The following TBXAS1 variants were observed in gnomAD, a reference collection of about 807,000 sequenced individuals.
TBXAS1 encodes thromboxane A synthase 1.
In TBXAS1, 48 loss-of-function variants were observed where a neutral mutation model predicts 60.7. The observed-to-expected ratio is 0.79, with a 90% CI of 0.63 to 1.01. The LOEUF is 1.01. TBXAS1 is among the 50% of genes least tolerant of loss of function. The probability of loss-of-function intolerance (pLI) is 0.00; values close to 1 mark genes in which losing one functional copy is unlikely to be tolerated. For synonymous variants in TBXAS1, 287 were observed against 269.7 expected, an observed-to-expected ratio of 1.06 and a Z score of -0.63; for missense variants, 685 against 686.3, an observed-to-expected ratio of 1.00 and a Z score of 0.02.
chr7:139,955,372 A>C lies in TBXAS1; in HGVS notation c.540-87A>C, dbSNP rs555734431. ...CAGGGCTGGGCAAGCCAGTGTAAGCAATTCAGGCCCTCCTCCTCTGGAGGG... is the reference window on the plus strand; with the variant it reads ...CAGGGCTGGGCAAGCCAGTGTAAGCCATTCAGGCCCTCCTCCTCTGGAGGG... On this transcript the variant is annotated intron_variant, in intron 6 of 12. Coordinates refer to ENST00000448866, the MANE Select transcript of TBXAS1 (RefSeq NM_001061.7). 17 of 1,558,946 alleles carry C rather than the reference A, an allele frequency of 1.1e-5. No individual in the cohort carries two copies. The African/African-American group carries it at 2.0e-4, about 19-fold the overall frequency.
chr7:139,806,312 G>A (rs1451695006), intron 4 of TBXAS1, among the ~76,000 whole-genome samples: 1 of 149,990 alleles, frequency 6.7e-6, no homozygotes, highest in East Asian at 2.0e-4. Flanking sequence ...ACTCAGTCTG[G>A]AGTGCAGTGG....
At chr7:139,949,135 C>A (rs1466994466) in intron 5 of TBXAS1, among the ~76,000 whole-genome samples, 1 of 152,180 alleles carries the variant, frequency 6.6e-6, no homozygotes, top group East Asian at 1.9e-4. Context: ...GGGCAGCTGG[C>A]CTGGGCTTTC....
At chr7:140,003,500 T>C (rs1280675479) in intron 9 of TBXAS1, among the ~76,000 whole-genome samples, 2 of 152,222 alleles carry the variant, frequency 1.3e-5, no homozygotes, top group African/African-American at 4.8e-5. Context: ...CCACCGCACC[T>C]GGCCTACATG....
intron 1 of TBXAS1, among the ~76,000 whole-genome samples, chr7:139,856,296 G>A (rs77434842): frequency 0.046 from 7,013 of 152,208 alleles, 396 homozygotes; most frequent in African/African-American, 0.14. Flanking sequence ...TGATCGAGTT[G>A]TTTTTCCACC....
intron 1 of TBXAS1, among the ~76,000 whole-genome samples, chr7:139,871,631 A>C (rs1801832279): frequency 6.6e-6 from 1 of 152,180 alleles, no homozygotes; most frequent in Non-Finnish European, 1.5e-5. Flanking sequence ...TATGCTTCCC[A>C]TATGGTTGCG....
intron 2 of TBXAS1, 142 bp from the exon 3 acceptor site, chr7:139,875,443 T>TACC: frequency 2.7e-6 from 2 of 746,940 alleles, no homozygotes; most frequent in Non-Finnish European, 4.5e-6. Context: ...TGTTTCAAAG[T>TACC]ACCTGAAAGC....
At chr7:139,874,358 C>T (rs750638197) in intron 2 of TBXAS1, among the ~76,000 whole-genome samples, 44 of 152,254 alleles carry the variant, frequency 2.9e-4, no homozygotes, top group Admixed American at 3.9e-4. Flanking sequence ...CTGAGGAAAA[C>T]GGCGTAGCTG....
At chr7:139,940,824 T>C (rs1380494008) in intron 5 of TBXAS1, among the ~76,000 whole-genome samples, 1 of 152,148 alleles carries the variant, frequency 6.6e-6, no homozygotes, top group Non-Finnish European at 1.5e-5. Flanking sequence ...AATGAATGGA[T>C]GTATGAAGAA....
intron 3 of TBXAS1, among the ~76,000 whole-genome samples, chr7:139,878,916 G>A (rs929074497): frequency 1.6e-4 from 25 of 152,032 alleles, no homozygotes; most frequent in African/African-American, 5.8e-4. Context: ...AGATGTATTG[G>A]GCCTTTAGAT....
chr7:139,792,005 G>T (rs192488776), intron 4 of TBXAS1, among the ~76,000 whole-genome samples: 20 of 152,196 alleles, frequency 1.3e-4, no homozygotes, highest in African/African-American at 4.6e-4. Context: ...AGCAGAGCTT[G>T]TGTGTGTTCC....
rs1813521123 is a variant in TBXAS1 at position 139,999,517 on chromosome 7, CTG to C, written c.1135-7572_1135-7571del. 6.6e-6 allele frequency among the ~76,000 whole-genome samples: 1 copy of C among 152,280 alleles called. No individual in the cohort carries two copies. Among genetic ancestry groups the C allele is most frequent in the East Asian group, 1.9e-4 (1 of 5,192 alleles). On this transcript the variant is annotated intron_variant, in intron 9 of 12. Transcript: ENST00000448866. The surrounding 1 kb of genome is among the most constrained non-coding windows in gnomAD (Gnocchi z 4.3). ...CCAGCCTGGGGGATAGAGCAAGACT[CTG>C]TCTCCAAAAAACCAGTTGCAAGGGT...
chr7:139,817,151 T>C (rs569220632), intron 4 of TBXAS1, among the ~76,000 whole-genome samples: 1 of 152,214 alleles, frequency 6.6e-6, no homozygotes, highest in East Asian at 1.9e-4. Context: ...GCTTCAGCCC[T>C]ACTTCCTAGA....
At chr7:139,826,986 G>A (rs1798453351), upstream of TBXAS1, among the ~76,000 whole-genome samples, 1 of 152,144 alleles carries the variant, frequency 6.6e-6, no homozygotes, top group Non-Finnish European at 1.5e-5. Flanking sequence ...AGGGTCAGGT[G>A]TGGTCCTCCT....
Position 139,962,138 on chromosome 7 carries a change from A to G in TBXAS1, c.1039A>G (p.Thr347Ala). ...CCTCATCGCTGGCTATGAAATCATC[A>G]CCAACACACTTTCTTTTGCCACCTA... is the stretch of plus-strand genomic sequence containing the variant. ...IFLIAGYEII[T>A]NTLSFATYLL... Residue 347 changes from threonine to alanine, a missense_variant, in exon 9 of 13, where the codon ACC becomes GCC. By Grantham distance (58) the Thr-to-Ala change is moderately conservative. Transcript: ENST00000448866. 2 of 1,614,122 alleles carry G rather than the reference A, an allele frequency of 1.2e-6. No homozygotes were observed. Among genetic ancestry groups the G allele is most frequent in the African/African-American group, 1.3e-5 (1 of 75,006 alleles).
intron 5 of TBXAS1, 36 bp downstream of exon 5, chr7:139,936,343 G>A (rs766969368): frequency 3.5e-5 from 56 of 1,597,698 alleles, no homozygotes; most frequent in Admixed American, 3.2e-4. Flanking sequence ...CTTCTCTTAC[G>A]GAGCAGGTTT....
intron 4 of TBXAS1, chr7:139,797,285 G>A (rs1276484141): frequency 1.3e-5 from 2 of 152,182 alleles, no homozygotes; most frequent in African/African-American, 4.8e-5. Flanking sequence ...TTAGGGAGCA[G>A]TGGGTCCAGG....
chr7:139,860,459 G>A (rs2116714221), intron 1 of TBXAS1, among the ~76,000 whole-genome samples: 1 of 152,348 alleles, frequency 6.6e-6, no homozygotes, highest in Admixed American at 6.5e-5. Flanking sequence ...CTAGCCTCTG[G>A]AACTTGTGAA....
At chr7:139,793,695 GA>G (rs1264697505) in intron 4 of TBXAS1, among the ~76,000 whole-genome samples, 1 of 152,208 alleles carries the variant, frequency 6.6e-6, no homozygotes, top group African/African-American at 2.4e-5. Context: ...CAAAAGCAGA[GA>G]GGAAAAGGAA....
intron 4 of TBXAS1, among the ~76,000 whole-genome samples, chr7:139,821,715 C>T (rs1798303295): frequency 6.6e-6 from 1 of 152,228 alleles, no homozygotes; most frequent in African/African-American, 2.4e-5. Context: ...TCTAGCCAGT[C>T]CAAACCCGAG....
Sources: allele counts gnomAD v4.1 joint callset (sites outside exome capture counted in the v4.1 genomes callset), GRCh38; gene constraint gnomAD v4.1.1; non-coding constraint Gnocchi (gnomAD v3.1); transcripts MANE v1.5; gene names NCBI Gene and HGNC (gene_info 2026-07-23, HGNC 2026-07-21).